The following ENO4 variants were observed in gnomAD, a reference collection of about 807,000 sequenced individuals.
ENO4 encodes 2-phospho-D-glycerate hydro-lyase.
ENO4 carries 53 observed loss-of-function variants against 63.2 expected under a neutral mutation model. That is an observed-to-expected ratio of 0.84 (90% confidence interval 0.67 to 1.05). The LOEUF (loss-of-function observed/expected upper bound fraction) is 1.05. ENO4 is among the 50% of genes least tolerant of loss of function. ENO4 has a pLI of 0.00. For synonymous variants in ENO4, 266 were observed against 283.8 expected, an observed-to-expected ratio of 0.94 and a Z score of 0.63; for missense variants, 719 against 772.0, an observed-to-expected ratio of 0.93 and a Z score of 0.81.
intron 7 of ENO4, among the ~76,000 whole-genome samples, chr10:116,867,581 CCT>C (rs757916596): frequency 7.2e-5 from 11 of 152,028 alleles, no homozygotes; most frequent in Admixed American, 2.6e-4. Flanking sequence ...AGAGTGAGAC[CCT>C]GTCTTTAAAA....
At chr10:116,850,946 C>G (rs1846063827) in intron 1 of ENO4, among the ~76,000 whole-genome samples, 1 of 152,218 alleles carries the variant, frequency 6.6e-6, no homozygotes, top group African/African-American at 2.4e-5. Context: ...TGCTGAGAAA[C>G]TACCTGCAGG....
At position 116,899,988 on chromosome 10, in the gene ENO4, A is replaced by G. The variant is rs74161332; in HGVS notation, c.1195-11511A>G. 9.7e-3 allele frequency among the ~76,000 whole-genome samples: 1,484 copies of G among 152,340 alleles called. 18 individuals are homozygous for G. The highest frequency in any genetic ancestry group is 0.034 in the African/African-American group (1,396 of 41,576). On this transcript the variant is annotated intron_variant, in intron 10 of 10. Coordinates refer to the ENO4 transcript ENST00000369207. ...TAAGTTAAAATTCTTTTAGTCATTA[A>G]AAGGTTTAAACATTAAATGAATGAA... is the stretch of plus-strand genomic sequence containing the variant.
Position 116,849,516 on chromosome 10 carries a change from A to C in ENO4, c.-51A>C. On this transcript the variant is annotated 5_prime_UTR_variant, in exon 1 of 14. Coordinates refer to ENST00000341276, the MANE Select transcript of ENO4 (RefSeq NM_001242699.2). Reference sequence around the variant, plus strand: ...GTTGCGTTGCCTAGCGACAGCAGGGACGCTCGTGGGACCCCAGGCTAAACC... The same window carrying C: ...GTTGCGTTGCCTAGCGACAGCAGGGCCGCTCGTGGGACCCCAGGCTAAACC... 1 of 1,452,324 alleles carries C rather than the reference A, an allele frequency of 6.9e-7. No individual in the cohort carries two copies. The highest frequency in any genetic ancestry group is 2.5e-5 in the Admixed American group (1 of 39,408). 90.0% of individuals were successfully genotyped at this position (1,452,324 alleles called of 1,614,324 possible).
intron 1 of ENO4, among the ~76,000 whole-genome samples, chr10:116,853,842 T>C (rs1331475499): frequency 2.6e-5 from 4 of 152,232 alleles, no homozygotes; most frequent in African/African-American, 7.2e-5. Flanking sequence ...CTGTGGGTAT[T>C]AGATGACCTG....
chr10:116,899,508 TG>T (rs1847646599), intron 10 of ENO4, among the ~76,000 whole-genome samples: 2 of 65,930 alleles, frequency 3.0e-5, no homozygotes, highest in Non-Finnish European at 7.9e-5. Context: ...CTGGGGCTGG[TG>T]TGTGTGTGTG....
chr10:116,850,040 T>G, intron 1 of ENO4: 25 of 506,848 alleles, frequency 4.9e-5, no homozygotes, highest in East Asian at 1.6e-4. Context: ...CCTCTCCGTT[T>G]GTGGGCCGGC....
intron 7 of ENO4, among the ~76,000 whole-genome samples, chr10:116,867,770 T>C (rs1408584016): frequency 2.0e-5 from 3 of 152,152 alleles, no homozygotes; most frequent in African/African-American, 7.2e-5. Flanking sequence ...CCTCAGGCAG[T>C]TTAAAAGTCT....
rs1324572850 is a variant in ENO4, at chr10:116,879,469, C to A, written c.1605+111C>A. 1.1e-5 allele frequency: 9 copies of A among 787,830 alleles called. No homozygotes were observed. The Admixed American group carries it at 2.2e-4, about 19-fold the overall frequency. 48.8% of individuals were successfully genotyped at this position (787,830 alleles called of 1,614,324 possible). A position where few individuals can be genotyped will look rare whatever the true frequency, so the allele number is the denominator to read the frequency against. ...GGCATGTAACCTTTTATGAAATAGA[C>A]TTGCTTCCTCCCAGATAGCTACCTT... On this transcript the variant is annotated intron_variant, in intron 12 of 13. Coordinates refer to ENST00000341276, the MANE Select transcript of ENO4 (RefSeq NM_001242699.2).
In ENO4 at chr10:116,866,365, A is replaced by G. The variant is rs114921349; in HGVS notation, c.991-2285A>G. Among the ~76,000 whole-genome samples, 702 of 152,340 alleles carry G rather than the reference A, an allele frequency of 4.6e-3. 4 individuals are homozygous for G. Among genetic ancestry groups the G allele is most frequent in the African/African-American group, 0.016 (666 of 41,576 alleles). On this transcript the variant is annotated intron_variant, in intron 7 of 13. Coordinates refer to ENST00000341276, the MANE Select transcript of ENO4 (RefSeq NM_001242699.2). ...TCAAAAACCATCACTATGCTGTCGA[A>G]GTCACAAAGTTTAAGTTGTTAAAGA...
chr10:116,851,061 A>C (rs1423916030), intron 1 of ENO4, among the ~76,000 whole-genome samples: 1 of 152,214 alleles, frequency 6.6e-6, no homozygotes, highest in Non-Finnish European at 1.5e-5. Flanking sequence ...TTACAGGGAC[A>C]CCAAGTCTTT....
chr10:116,901,801 T>C, intron 10 of ENO4: 1 of 1,602,102 alleles, frequency 6.2e-7, no homozygotes, highest in Non-Finnish European at 8.5e-7. Flanking sequence ...TCCTTCCAAT[T>C]TACGGGGCCC....
At chr10:116,856,273 T>G (rs1201567838) in intron 2 of ENO4, among the ~76,000 whole-genome samples, 1 of 152,176 alleles carries the variant, frequency 6.6e-6, no homozygotes, top group Non-Finnish European at 1.5e-5. Context: ...AAAAATGAAG[T>G]TTGATGTAGG....
In ENO4 at chr10:116,895,564, G is replaced by T. The variant is rs74743194; in HGVS notation, c.1194+15578G>T. On this transcript the variant is annotated intron_variant, in intron 10 of 10. Transcript: ENST00000369207. The stretch of plus-strand genomic sequence containing the variant: ...TTACAGAATGAGAAAAGGAAGACAT[G>T]AAACTACCTATGAGTATGCAGGGTC... 5.0e-3 allele frequency among the ~76,000 whole-genome samples: 757 copies of T among 152,274 alleles called. 29 individuals are homozygous for T. In the East Asian group the frequency reaches 0.11, roughly 21 times the overall value.
At chr10:116,904,025 G>A (rs991874250) in intron 10 of ENO4, among the ~76,000 whole-genome samples, 27 of 152,264 alleles carry the variant, frequency 1.8e-4, no homozygotes, top group African/African-American at 6.5e-4. Context: ...AAGGAAAAGG[G>A]TACAACATCC....
chr10:116,853,294 CA>C (rs56885650), intron 1 of ENO4, among the ~76,000 whole-genome samples: 3,588 of 96,770 alleles, frequency 0.037, 71 homozygotes, highest in African/African-American at 0.14. Context: ...GACTCCGTCT[CA>C]AAAAAAAAAA....
chr10:116,893,846 A>T (rs1847424980), intron 10 of ENO4, among the ~76,000 whole-genome samples: 1 of 152,208 alleles, frequency 6.6e-6, no homozygotes, highest in African/African-American at 2.4e-5. Context: ...AAGAATCTCA[A>T]TTTTTATTTG....
At position 116,862,742 on chromosome 10, in the gene ENO4, T is replaced by C. The variant is rs927011943; in HGVS notation, c.937-57T>C. The C allele has an allele frequency of 2.2e-6, 3 of 1,347,640 alleles. No homozygotes were observed. The African/African-American group carries it at 4.3e-5, about 20-fold the overall frequency. 83.5% of individuals were successfully genotyped at this position (1,347,640 alleles called of 1,614,324 possible). On this transcript the variant is annotated intron_variant, in intron 6 of 13. Transcript: ENST00000341276. ...AGAAATAGCCACGTGTTATAAGTTT[T>C]TATACTTAAATTTTCTAGTCTGCAA...
At position 116,894,167 on chromosome 10, in the gene ENO4, G is replaced by A. The variant is rs369507334; in HGVS notation, c.1194+14181G>A. Reference sequence around the variant, plus strand: ...ATTTATCTTTTGTCAACTACCCTTTGGTTTCATTAATGGCCCAAACAAGAT... The same window carrying A: ...ATTTATCTTTTGTCAACTACCCTTTAGTTTCATTAATGGCCCAAACAAGAT... On this transcript the variant is annotated intron_variant, in intron 10 of 10. Transcript: ENST00000369207. Among the ~76,000 whole-genome samples the A allele has an allele frequency of 4.6e-5, 7 of 152,076 alleles. No individual in the cohort carries two copies. The South Asian group carries it at 8.3e-4, about 18-fold the overall frequency.
intron 1 of ENO4, among the ~76,000 whole-genome samples, chr10:116,850,539 T>G (rs1334967492): frequency 6.6e-6 from 1 of 151,858 alleles, no homozygotes; most frequent in Non-Finnish European, 1.5e-5. Context: ...CTGGGGCCCC[T>G]AGGAGTTTGC....
Sources: gnomAD v4.1 joint callset for allele counts (sites outside exome capture counted in the v4.1 genomes callset) on GRCh38, gnomAD v4.1.1 for gene constraint, MANE v1.5 for transcripts, NCBI Gene and HGNC (gene_info 2026-07-23, HGNC 2026-07-21) for gene names.